Variants in METTL14 observed in about 807,000 individuals in gnomAD.
METTL14 encodes methyltransferase 14, N6-adenosine-methyltransferase non-catalytic subunit.
Under a neutral mutation model 62.4 loss-of-function variants are expected in METTL14, and 32 were observed. The ratio of observed to expected loss-of-function variants is 0.51; its 90% confidence interval spans 0.39 to 0.69. The LOEUF (loss-of-function observed/expected upper bound fraction) is 0.69, where lower values mean the gene tolerates loss of function less well. Among genes scored for constraint, METTL14 ranks in the 30% least tolerant of loss-of-function variants. The pLI is 0.00. For synonymous variants in METTL14, 150 were observed against 180.0 expected, an observed-to-expected ratio of 0.83 and a Z score of 1.34; for missense variants, 340 against 551.9, an observed-to-expected ratio of 0.62 and a Z score of 3.85.
At chr4:118,706,924 CTGTT>C (rs941542041) in intron 10 of METTL14, among the ~76,000 whole-genome samples, 1 of 151,876 alleles carries the variant, frequency 6.6e-6, no homozygotes, top group Non-Finnish European at 1.5e-5. Context: ...TTTTATTTGG[CTGTT>C]TGTTTTCTTA....
At position 118,713,780 on chromosome 4, in the gene METTL14, C is replaced by A. The variant is rs1724987567; in HGVS notation, c.*3478C>A. 1 of 152,184 alleles carries A rather than the reference C, an allele frequency of 6.6e-6. No homozygotes were observed. Among genetic ancestry groups the A allele is most frequent in the Admixed American group, 6.5e-5 (1 of 15,286 alleles). The allele number at this position is 152,184 out of a possible 1,614,324, so 9.4% of individuals were successfully genotyped here. A position where few individuals can be genotyped will look rare whatever the true frequency, so the allele number is the denominator to read the frequency against. On this transcript the variant is annotated 3_prime_UTR_variant, in exon 11 of 11. Coordinates refer to ENST00000388822, the MANE Select transcript of METTL14 (RefSeq NM_020961.4). ...TCTAGGACTTCTCAAAAGATTAGAA[C>A]ATTTATCCAGTAAACTGACTCCATT...
intron 3 of METTL14, among the ~76,000 whole-genome samples, chr4:118,689,888 T>G (rs1724191982): frequency 6.6e-5 from 10 of 152,030 alleles, no homozygotes; most frequent in Admixed American, 6.6e-4. Context: ...TCCACCTGCC[T>G]TGGCCTCCCA....
intron 4 of METTL14, 53 bp from the exon 5 acceptor site, chr4:118,691,928 T>A: frequency 8.7e-7 from 1 of 1,146,178 alleles, no homozygotes; most frequent in Non-Finnish European, 1.3e-6. Flanking sequence ...ACAGAGATAA[T>A]TTATCTGCCA....
intron 5 of METTL14, among the ~76,000 whole-genome samples, chr4:118,693,405 T>A (rs533232234): frequency 6.6e-6 from 1 of 152,278 alleles, no homozygotes; most frequent in Admixed American, 6.5e-5. Context: ...GTGTATTTTT[T>A]ACATATTCTG....
chr4:118,710,393 C>G lies in METTL14; in HGVS notation c.*91C>G. ...GGAGACTTAACTTTAGAACTCACTT[C>G]CAGCTTGCACTTTGCTTTAATTTCT... On this transcript the variant is annotated 3_prime_UTR_variant, in exon 11 of 11. Coordinates refer to ENST00000388822, the MANE Select transcript of METTL14 (RefSeq NM_020961.4). The G allele has an allele frequency of 7.9e-7, 1 of 1,268,132 alleles. No homozygotes were observed. Among genetic ancestry groups the G allele is most frequent in the Non-Finnish European group, 1.1e-6 (1 of 930,234 alleles). The allele number at this position is 1,268,132 out of a possible 1,614,324, so 78.6% of individuals were successfully genotyped here. A position where few individuals can be genotyped will look rare whatever the true frequency, so the allele number is the denominator to read the frequency against.
At chr4:118,703,199 A>G (rs1347957764) in intron 8 of METTL14, among the ~76,000 whole-genome samples, 1 of 151,210 alleles carries the variant, frequency 6.6e-6, no homozygotes, top group African/African-American at 2.4e-5. Flanking sequence ...TCCCTCCTTT[A>G]CTCTTAAAGT....
At chr4:118,694,306 G>A in intron 5 of METTL14, 130 bp from the exon 6 acceptor site, 2 of 594,044 alleles carry the variant, frequency 3.4e-6, no homozygotes, top group Non-Finnish European at 5.9e-6. Context: ...TAGAAGTTAA[G>A]CTTCCTTAAA....
intron 6 of METTL14, 102 bp downstream of exon 6, chr4:118,694,628 T>C (rs928258093): frequency 4.2e-5 from 35 of 824,754 alleles, no homozygotes; most frequent in Admixed American, 2.9e-4. Context: ...TCAGCACTTA[T>C]GTTAACATGC....
In METTL14 at chr4:118,705,493, G is replaced by A. The variant is rs1579076121; in HGVS notation, c.856-118G>A. The A allele has an allele frequency of 6.0e-6, 5 of 834,044 alleles. No homozygotes were observed. In the South Asian group the frequency reaches 6.6e-5, roughly 11 times the overall value. The allele number at this position is 834,044 out of a possible 1,614,324, so 51.7% of individuals were successfully genotyped here. A position where few individuals can be genotyped will look rare whatever the true frequency, so the allele number is the denominator to read the frequency against. Reference sequence around the variant, plus strand: ...AGTCTCAAAAAGAAGAGAAATAACTGTATCCCAAAGATTCCGAGAAATGAG... The same window carrying A: ...AGTCTCAAAAAGAAGAGAAATAACTATATCCCAAAGATTCCGAGAAATGAG... On this transcript the variant is annotated intron_variant, in intron 9 of 10. Transcript: ENST00000388822.
At chr4:118,701,112 T>C (rs1724574273) in intron 8 of METTL14, among the ~76,000 whole-genome samples, 1 of 152,098 alleles carries the variant, frequency 6.6e-6, no homozygotes, top group African/African-American at 2.4e-5. Context: ...CCTGAACTTA[T>C]TTTAAGTATC....
In METTL14 at chr4:118,692,893, A is replaced by G. The variant is rs187951587; in HGVS notation, c.412+825A>G. ...ACTTTCTATTTCTATACGTTTGCCT[A>G]TTTTGGACATTTCTTGTAAATGAAA... On this transcript the variant is annotated intron_variant, in intron 5 of 10. Coordinates refer to ENST00000388822, the MANE Select transcript of METTL14 (RefSeq NM_020961.4). Among the ~76,000 whole-genome samples the G allele has an allele frequency of 1.6e-4, 25 of 152,106 alleles. No homozygotes were observed. The South Asian group carries it at 1.7e-3, about 10-fold the overall frequency.
At position 118,694,519 on chromosome 4, in the gene METTL14, C is replaced by A; in HGVS notation, c.496C>A (p.Pro166Thr). ...TGAGTTAATAGCTAAATCTAACACT[C>A]CTCCCATGTAAGTGTTTTTATTCAA... ...KDELIAKSNTPPMYLQADIEA... is the reference protein window; with the variant it reads ...KDELIAKSNTTPMYLQADIEA... Residue 166 changes from proline (P) to threonine (T), a missense_variant, in exon 6 of 11, where the codon CCT (proline) becomes ACT (threonine). Physicochemically the swap from Pro to Thr is conservative, Grantham distance 38. Around this residue, in one of 7 missense-constraint regions of METTL14, gnomAD observed 41 missense variants for 44.0 expected, o/e 0.93. Coordinates refer to ENST00000388822, the MANE Select transcript of METTL14 (RefSeq NM_020961.4). 1 of 1,607,730 alleles carries A rather than the reference C, an allele frequency of 6.2e-7. No individual in the cohort carries two copies. Among genetic ancestry groups the A allele is most frequent in the Non-Finnish European group, 8.5e-7 (1 of 1,174,828 alleles).
chr4:118,703,222 G>A (rs1291354576), intron 8 of METTL14, among the ~76,000 whole-genome samples: 1 of 151,920 alleles, frequency 6.6e-6, no homozygotes, highest in East Asian at 1.9e-4. Context: ...ATGGGGATAG[G>A]GACTGTGTCT....
chr4:118,700,422 G>A lies in METTL14; in HGVS notation c.646-128G>A, dbSNP rs1579072718. ...TAAGGATAACATTTATTTTCTGTTA[G>A]TTCCTAATGGAAACTAATACACTTA... On this transcript the variant is annotated intron_variant, in intron 7 of 10. Transcript: ENST00000388822. 8 of 663,128 alleles carry A rather than the reference G, an allele frequency of 1.2e-5. No individual in the cohort carries two copies. In the East Asian group the frequency reaches 2.0e-4, roughly 17 times the overall value. 41.1% of individuals were successfully genotyped at this position (663,128 alleles called of 1,614,324 possible). A position where few individuals can be genotyped will look rare whatever the true frequency, so the allele number is the denominator to read the frequency against.
At chr4:118,703,223 G>A (rs1724656229) in intron 8 of METTL14, among the ~76,000 whole-genome samples, 1 of 151,974 alleles carries the variant, frequency 6.6e-6, no homozygotes, top group Non-Finnish European at 1.5e-5. Context: ...TGGGGATAGG[G>A]ACTGTGTCTT....
chr4:118,693,251 T>A (rs1274719285), intron 5 of METTL14, among the ~76,000 whole-genome samples: 1 of 152,234 alleles, frequency 6.6e-6, no homozygotes, highest in Admixed American at 6.5e-5. Context: ...ATATTGAGCA[T>A]CTTTTTTTAT....
In METTL14 at chr4:118,685,618, C is replaced by T; in HGVS notation, c.66+18C>T. The T allele has an allele frequency of 2.5e-6, 4 of 1,612,776 alleles. No homozygotes were observed. The South Asian group carries it at 3.3e-5, about 13-fold the overall frequency. ...CGCAGCAGGTCCGCGGCCCTGGTGTCCCCTGTGGGAGGGATCGAGAATGCG... is the reference window on the plus strand; with the variant it reads ...CGCAGCAGGTCCGCGGCCCTGGTGTTCCCTGTGGGAGGGATCGAGAATGCG... On this transcript the variant is annotated intron_variant, in intron 1 of 10. Transcript: ENST00000388822.
At chr4:118,702,649 G>T (rs902210289) in intron 8 of METTL14, among the ~76,000 whole-genome samples, 1 of 152,036 alleles carries the variant, frequency 6.6e-6, no homozygotes, top group African/African-American at 2.4e-5. Flanking sequence ...GGTGGCACGT[G>T]CTTGTGGTCC....
intron 10 of METTL14, among the ~76,000 whole-genome samples, chr4:118,708,380 A>T (rs918997177): frequency 1.3e-5 from 2 of 152,148 alleles, no homozygotes; most frequent in African/African-American, 4.8e-5. Context: ...TATATTGAAT[A>T]TTATCTTCCA....
Sources: allele counts gnomAD v4.1 joint callset (sites outside exome capture counted in the v4.1 genomes callset), GRCh38; gene constraint gnomAD v4.1.1; regional missense constraint gnomAD v4.1.1; transcripts MANE v1.5; gene names NCBI Gene and HGNC (gene_info 2026-07-23, HGNC 2026-07-21).